AGBL1: variants seen among roughly 807,000 people sequenced by gnomAD.
AGBL1 encodes the protein cytosolic carboxypeptidase 4.
Under a neutral mutation model 118.9 loss-of-function variants are expected in AGBL1, and 130 were observed. The observed-to-expected ratio is 1.09, with a 90% CI of 0.95 to 1.26. The LOEUF (loss-of-function observed/expected upper bound fraction) is 1.26. AGBL1 is among the 50% of genes most tolerant of loss of function. AGBL1 has a pLI of 0.00. For synonymous variants in AGBL1, 555 were observed against 478.9 expected (o/e 1.16, Z -2.08); for missense variants, 1,584 against 1,298.1 (o/e 1.22, Z -3.38).
intron 18 of AGBL1, among the ~76,000 whole-genome samples, chr15:86,504,095 G>C (rs973284319): frequency 4.0e-5 from 6 of 151,520 alleles, no homozygotes; most frequent in African/African-American, 1.5e-4. Flanking sequence ...ATGTATGATG[G>C]TGCTTTGTTA....
intron 18 of AGBL1, among the ~76,000 whole-genome samples, chr15:86,455,916 A>G (rs1338224905): frequency 2.0e-5 from 3 of 152,102 alleles, no homozygotes; most frequent in African/African-American, 7.2e-5. Context: ...TCATCCATCC[A>G]TCTACCTACC....
intron 13 of AGBL1, 24 bp downstream of exon 13, chr15:86,267,100 G>C: frequency 6.6e-7 from 1 of 1,525,742 alleles, no homozygotes. Flanking sequence ...ACCACAGTGG[G>C]TGTCTCCTGT....
chr15:86,501,653 T>G (rs924986787), intron 18 of AGBL1, among the ~76,000 whole-genome samples: 2 of 151,622 alleles, frequency 1.3e-5, no homozygotes, highest in African/African-American at 4.8e-5. Flanking sequence ...CCAAATGTAC[T>G]GTTTTATGTA....
At chr15:86,906,950 T>C (rs1157827198) in intron 22 of AGBL1, 137 bp from the exon 23 acceptor site, 1 of 152,314 alleles carries the variant, frequency 6.6e-6, no homozygotes. Context: ...GTTCCCTTTT[T>C]TGGCTAATTT....
At chr15:86,338,789 T>C (rs1211608443) in intron 17 of AGBL1, among the ~76,000 whole-genome samples, 7 of 152,112 alleles carry the variant, frequency 4.6e-5, no homozygotes, top group Admixed American at 6.5e-5. Flanking sequence ...CACGTAAAGC[T>C]AGAGCTTCCT....
At chr15:86,904,974 T>C (rs891551414) in intron 22 of AGBL1, among the ~76,000 whole-genome samples, 1 of 152,098 alleles carries the variant, frequency 6.6e-6, no homozygotes, top group Admixed American at 6.6e-5. Context: ...ACTATAACCA[T>C]GTTAATGATA....
At chr15:86,267,195 G>T in intron 13 of AGBL1, 119 bp downstream of exon 13, 1 of 770,424 alleles carries the variant, frequency 1.3e-6, no homozygotes, top group Non-Finnish European at 2.2e-6. Flanking sequence ...CAGCCATGGT[G>T]GGAATATTTA....
At chr15:86,760,687 A>C (rs1346436825) in intron 22 of AGBL1, among the ~76,000 whole-genome samples, 1 of 152,070 alleles carries the variant, frequency 6.6e-6, no homozygotes, top group Non-Finnish European at 1.5e-5. Flanking sequence ...TCCCACCTAG[A>C]TTTCTTTCCT....
At chr15:86,227,415 A>G (rs1448648782) in intron 6 of AGBL1, among the ~76,000 whole-genome samples, 5 of 152,224 alleles carry the variant, frequency 3.3e-5, no homozygotes, top group African/African-American at 4.8e-5. Context: ...GGGTTTCTCA[A>G]TGTACCATTG....
At chr15:86,999,117 G>A (rs189363158) in intron 24 of AGBL1, among the ~76,000 whole-genome samples, 2 of 150,436 alleles carry the variant, frequency 1.3e-5, no homozygotes, top group Non-Finnish European at 3.0e-5. Flanking sequence ...TTGTTTTTTC[G>A]TCCTTCGATA....
At chr15:86,203,436 C>G (rs2077939504) in intron 5 of AGBL1, among the ~76,000 whole-genome samples, 1 of 152,068 alleles carries the variant, frequency 6.6e-6, no homozygotes, top group South Asian at 2.1e-4. Context: ...AACTGGCAAC[C>G]TAAATATTGT....
chr15:86,483,351 G>C (rs1041279268), intron 18 of AGBL1, among the ~76,000 whole-genome samples: 8 of 152,236 alleles, frequency 5.3e-5, no homozygotes, highest in Admixed American at 2.0e-4. Context: ...GCAGTTTAAG[G>C]TGGTTGGTGT....
chr15:86,284,055 A>G (rs1218047790), intron 16 of AGBL1, among the ~76,000 whole-genome samples: 1 of 151,990 alleles, frequency 6.6e-6, no homozygotes, highest in Non-Finnish European at 1.5e-5. Flanking sequence ...AAGTTTTAGC[A>G]AAGTGTCTAC....
chr15:86,162,086 T>G (rs887165857), intron 5 of AGBL1, among the ~76,000 whole-genome samples: 1 of 152,170 alleles, frequency 6.6e-6, no homozygotes, highest in African/African-American at 2.4e-5. Flanking sequence ...CCTGCCAATT[T>G]CCATCTTTCA....
intron 23 of AGBL1, among the ~76,000 whole-genome samples, chr15:86,921,442 C>T (rs2080481000): frequency 6.6e-6 from 1 of 152,188 alleles, no homozygotes; most frequent in Non-Finnish European, 1.5e-5. Context: ...TTTTTAGTTT[C>T]TATAGGGAAC....
chr15:87,010,156 A>G (rs28801093), intron 24 of AGBL1, among the ~76,000 whole-genome samples: 15,041 of 152,070 alleles, frequency 0.099, 1,314 homozygotes, highest in African/African-American at 0.23. Flanking sequence ...ATGTGTTGTG[A>G]GAGGAACCCA....
At chr15:86,832,814 A>G (rs937531229) in intron 22 of AGBL1, among the ~76,000 whole-genome samples, 15 of 152,168 alleles carry the variant, frequency 9.9e-5, no homozygotes. Flanking sequence ...CCACATTTTT[A>G]GGTATCTTTA....
At chr15:86,577,387 G>T (rs1304440145) in intron 21 of AGBL1, among the ~76,000 whole-genome samples, 7 of 152,140 alleles carry the variant, frequency 4.6e-5, no homozygotes. Context: ...AGGTGACTTG[G>T]GTGCTGTTAA....
intron 5 of AGBL1, among the ~76,000 whole-genome samples, chr15:86,207,988 A>G (rs1262237461): frequency 1.4e-5 from 2 of 141,262 alleles, no homozygotes; most frequent in Non-Finnish European, 3.1e-5. Context: ...GATACGTCCC[A>G]TCAATACTTA....
Sources: gnomAD v4.1 joint callset for allele counts (sites outside exome capture counted in the v4.1 genomes callset) on GRCh38, gnomAD v4.1.1 for gene constraint, MANE v1.5 for transcripts, NCBI Gene and HGNC (gene_info 2026-07-23, HGNC 2026-07-21) for gene names.